HERC2: variants seen among roughly 807,000 people sequenced by gnomAD.
HERC2 encodes HECT and RLD domain containing E3 ubiquitin protein ligase 2.
A neutral mutation model predicts 537.7 loss-of-function variants in HERC2; 102 were observed. The observed-to-expected ratio is 0.19, with a 90% CI of 0.16 to 0.22. The LOEUF is 0.22. HERC2 is among the 10% of genes least tolerant of loss of function. The pLI is 1.00. For missense variants in HERC2, 4,236 were observed against 6,198.2 expected (o/e 0.68, Z 10.63); for synonymous variants, 2,224 against 2,466.2 (o/e 0.90, Z 2.91).
intron 23 of HERC2, among the ~76,000 whole-genome samples, chr15:28,245,566 T>C (rs8035922): frequency 0.42 from 49,881 of 118,130 alleles, 11,340 homozygotes; most frequent in Non-Finnish European, 0.54. Flanking sequence ...AAAAAATATA[T>C]ACACACACAC....
intron 35 of HERC2, among the ~76,000 whole-genome samples, chr15:28,222,607 T>A (rs1567035471): frequency 6.6e-6 from 1 of 152,176 alleles, no homozygotes; most frequent in Non-Finnish European, 1.5e-5. Flanking sequence ...CATGGTTCTG[T>A]GCAGAAGACA....
intron 38 of HERC2, among the ~76,000 whole-genome samples, chr15:28,216,513 C>A (rs944509474): frequency 6.8e-6 from 1 of 147,926 alleles, no homozygotes; most frequent in Non-Finnish European, 1.5e-5. Context: ...TGAGGGACCC[C>A]GCCCACAGCC....
intron 88 of HERC2, among the ~76,000 whole-genome samples, 158 bp from the exon 89 acceptor site, chr15:28,115,699 C>T (rs934430742): frequency 1.3e-5 from 2 of 151,490 alleles, no homozygotes; most frequent in African/African-American, 2.4e-5. Context: ...TCCTCAAGAC[C>T]GCCTGTCCTG....
At chr15:28,288,309 T>C (rs932806951) in intron 4 of HERC2, among the ~76,000 whole-genome samples, 2 of 151,800 alleles carry the variant, frequency 1.3e-5, no homozygotes, top group Non-Finnish European at 2.9e-5. Context: ...GTGGATCACC[T>C]GAGGTCAGGA....
intron 52 of HERC2, among the ~76,000 whole-genome samples, chr15:28,194,994 TAC>T (rs1334215592): frequency 3.3e-5 from 5 of 149,774 alleles, no homozygotes. Context: ...AGGTGTCAGT[TAC>T]AGTGAGCCAG....
intron 4 of HERC2, among the ~76,000 whole-genome samples, chr15:28,281,348 C>A (rs958503258): frequency 2.0e-5 from 3 of 152,154 alleles, no homozygotes; most frequent in Admixed American, 1.3e-4. Context: ...TCCCACCAAT[C>A]CCCTCTAACA....
intron 48 of HERC2, among the ~76,000 whole-genome samples, chr15:28,200,200 C>A (rs955788231): frequency 6.6e-6 from 1 of 152,086 alleles, no homozygotes; most frequent in African/African-American, 2.4e-5. Flanking sequence ...AGCTCGAGAC[C>A]AGCCTGACAA....
chr15:28,135,997 TAA>T (rs1233150266), intron 78 of HERC2, among the ~76,000 whole-genome samples: 1 of 151,266 alleles, frequency 6.6e-6, no homozygotes, highest in Non-Finnish European at 1.5e-5. Flanking sequence ...CCAAGAAAAA[TAA>T]AAAACAATTT....
At chr15:28,251,485 AAAC>A (rs1567072367) in intron 20 of HERC2, among the ~76,000 whole-genome samples, 1 of 150,904 alleles carries the variant, frequency 6.6e-6, no homozygotes, top group African/African-American at 2.4e-5. Context: ...TAAAAAAAAA[AAAC>A]AAAAAAACAC....
Position 28,208,772 on chromosome 15 carries a change from C to T in HERC2, c.7069+2230G>A, listed in dbSNP as rs186079796. Among the ~76,000 whole-genome samples the T allele has an allele frequency of 1.2e-3, 185 of 152,314 alleles. 1 individual carries two copies. The highest frequency in any genetic ancestry group is 4.0e-3 in the African/African-American group (168 of 41,570). Reference sequence around the variant, plus strand: ...TCTGCTGGCATCTGTCTGCCACAGCCTTCAAAGGCTGCCCGTCCAGTGCTC... The same window carrying T: ...TCTGCTGGCATCTGTCTGCCACAGCTTTCAAAGGCTGCCCGTCCAGTGCTC... On this transcript the variant is annotated intron_variant, in intron 44 of 92. Transcript: ENST00000261609.
At position 28,289,750 on chromosome 15, in the gene HERC2, G is replaced by A. The variant is rs570874187; in HGVS notation, c.322+3138C>T. On this transcript the variant is annotated intron_variant, in intron 4 of 92. Transcript: ENST00000261609. ...TACGGGACATGGCTCCCTGGAAAAC[G>A]TTCCCTAAGGTGTATAAACTATCTG... Among the ~76,000 whole-genome samples the A allele has an allele frequency of 2.0e-4, 31 of 152,338 alleles. 1 individual carries two copies. In the South Asian group the frequency reaches 3.3e-3, roughly 16 times the overall value.
chr15:28,202,727 G>T, intron 45 of HERC2, 113 bp from the exon 46 acceptor site: 1 of 399,340 alleles, frequency 2.5e-6, no homozygotes, highest in East Asian at 3.5e-5. Flanking sequence ...TGCAAGTCTA[G>T]AAAGCCCGCA....
chr15:28,242,035 T>G (rs758244173), intron 23 of HERC2, among the ~76,000 whole-genome samples: 1 of 152,184 alleles, frequency 6.6e-6, no homozygotes, highest in Admixed American at 6.5e-5. Context: ...GGATGAACCT[T>G]GAAGACATGC....
rs759498619 is a variant in HERC2, at chr15:28,175,620, A to G, written c.9723T>C (p.Ser3241=). The change falls in exon 64 of 93, where the codon TCT becomes TCC. Residue 3241 remains serine, a synonymous_variant. Coordinates refer to ENST00000261609, the MANE Select transcript of HERC2 (RefSeq NM_004667.6). ...KGDYFRLGHG[S]DVHVRKPQVV... ...CCTGTGGTTTCCGCACGTGCACGTC[A>G]GAGCCGTGGCCCAATCTGAAGTAAT... 8.1e-6 allele frequency: 13 copies of G among 1,614,050 alleles called. No homozygotes were observed. In the Admixed American group the frequency reaches 8.3e-5, roughly 10 times the overall value.
Position 28,270,828 on chromosome 15 carries a change from C to T in HERC2, c.1124G>A (p.Arg375Lys). 1.2e-6 allele frequency: 2 copies of T among 1,613,854 alleles called. No homozygotes were observed. Among genetic ancestry groups the T allele is most frequent in the Non-Finnish European group, 1.7e-6 (2 of 1,179,850 alleles). The change falls in exon 10 of 93, where the codon AGG (arginine) becomes AAG (lysine). Residue 375 changes from arginine to lysine, a missense_variant. Arg to Lys is a conservative substitution (Grantham distance 26, BLOSUM62 2). This residue lies in a region of HERC2 where 491 missense variants were observed against 559.3 expected (regional missense o/e 0.88). Transcript: ENST00000261609. ...GTTGTCTTGTGGAAGGGTGAGGTAC[C>T]TCAGGAAACTCTCATTGGGGCTCAG... is the stretch of plus-strand genomic sequence containing the variant. ...GPLSPNESFL[R>K]YLTLPQDNEL...
chr15:28,266,019 T>C (rs749821923), intron 12 of HERC2, 45 bp from the exon 13 acceptor site: 17 of 1,593,734 alleles, frequency 1.1e-5, no homozygotes, highest in East Asian at 4.5e-5. Context: ...CTTCTTGGTG[T>C]TATTTCTTAT....
At chr15:28,195,055 C>CAAA (rs1432989896) in intron 52 of HERC2, among the ~76,000 whole-genome samples, 1 of 98,188 alleles carries the variant, frequency 1.0e-5, no homozygotes, top group Non-Finnish European at 2.1e-5. Flanking sequence ...GACTCCGTCT[C>CAAA]AAAAAAAAAA....
At chr15:28,266,027 T>C in intron 12 of HERC2, 53 bp from the exon 13 acceptor site, 1 of 1,582,864 alleles carries the variant, frequency 6.3e-7, no homozygotes, top group Non-Finnish European at 8.6e-7. Flanking sequence ...TGTTATTTCT[T>C]ATTAATGTTA....
chr15:28,273,338 A>C (rs77925277), intron 7 of HERC2, among the ~76,000 whole-genome samples: 2 of 152,266 alleles, frequency 1.3e-5, no homozygotes, highest in Non-Finnish European at 2.9e-5. Context: ...TCAATGACGT[A>C]TAAGACTATA....
Sources: gnomAD v4.1 joint callset for allele counts (sites outside exome capture counted in the v4.1 genomes callset) on GRCh38, gnomAD v4.1.1 for gene constraint, gnomAD v4.1.1 regional missense constraint, MANE v1.5 for transcripts, NCBI Gene and HGNC (gene_info 2026-07-23, HGNC 2026-07-21) for gene names.